NR2F1-AS1: variants seen among roughly 807,000 people sequenced by gnomAD.
NR2F1-AS1 encodes NR2F1 regulatory antisense RNA 1.
intron 4 of NR2F1-AS1, among the ~76,000 whole-genome samples, chr5:93,517,225 T>C (rs916571996): frequency 1.3e-5 from 2 of 151,984 alleles, no homozygotes; most frequent in African/African-American, 4.8e-5. Flanking sequence ...GTCTTTAAAG[T>C]ACTATACAAC....
At chr5:93,551,769 ATATT>A (rs1241304716) in intron 4 of NR2F1-AS1, among the ~76,000 whole-genome samples, 2 of 152,174 alleles carry the variant, frequency 1.3e-5, no homozygotes, top group Admixed American at 6.5e-5. Flanking sequence ...TTGAAATCTA[ATATT>A]TATTTTTTAA....
At chr5:93,464,534 T>C (rs893428363) in intron 4 of NR2F1-AS1, among the ~76,000 whole-genome samples, 1 of 152,202 alleles carries the variant, frequency 6.6e-6, no homozygotes, top group Admixed American at 6.5e-5. Context: ...TTTAAAATCA[T>C]GTGATTAACA....
At chr5:93,490,940 G>A (rs373834940) in intron 4 of NR2F1-AS1, among the ~76,000 whole-genome samples, 15 of 147,200 alleles carry the variant, frequency 1.0e-4, no homozygotes, top group African/African-American at 3.8e-4. Context: ...TGGTGGTGGT[G>A]GGAGTGGTGG....
chr5:93,478,029 C>T (rs1345464158), intron 4 of NR2F1-AS1, among the ~76,000 whole-genome samples: 1 of 152,158 alleles, frequency 6.6e-6, no homozygotes, highest in Admixed American at 6.5e-5. Flanking sequence ...ACAGCATGTA[C>T]TCAGCTTTTT....
At chr5:93,437,400 C>A (rs989692264) in intron 4 of NR2F1-AS1, among the ~76,000 whole-genome samples, 1 of 152,256 alleles carries the variant, frequency 6.6e-6, no homozygotes, top group African/African-American at 2.4e-5. Flanking sequence ...ATTAATTTCA[C>A]TTGCTTCCTT....
chr5:93,465,749 A>G (rs1263547397), intron 4 of NR2F1-AS1, among the ~76,000 whole-genome samples: 1 of 152,234 alleles, frequency 6.6e-6, no homozygotes, highest in Non-Finnish European at 1.5e-5. Context: ...CAGCCATAAA[A>G]AAGGATGAGT....
At chr5:93,519,190 A>G (rs889024393) in intron 4 of NR2F1-AS1, among the ~76,000 whole-genome samples, 5 of 152,076 alleles carry the variant, frequency 3.3e-5, no homozygotes. Context: ...TATAAAAAAA[A>G]TACATAACTT....
chr5:93,572,409 G>A lies in NR2F1-AS1; in HGVS notation n.313+8058C>T, dbSNP rs973027574. Among the ~76,000 whole-genome samples the A allele has an allele frequency of 2.6e-5, 4 of 152,210 alleles. No homozygotes were observed. In the East Asian group the frequency reaches 7.7e-4, roughly 29 times the overall value. On this transcript the variant is annotated intron_variant and non_coding_transcript_variant, in intron 1 of 5. Transcript: ENST00000660523. ...CACGTAGGGGAAGGGCTCATAGAGG[G>A]GCAGAGCCCAGGGAGAAGCGACATG...
At chr5:93,521,629 T>C (rs1751503362) in intron 4 of NR2F1-AS1, among the ~76,000 whole-genome samples, 1 of 152,074 alleles carries the variant, frequency 6.6e-6, no homozygotes, top group South Asian at 2.1e-4. Flanking sequence ...AGATCACTGA[T>C]CATTAGAGAA....
chr5:93,536,294 C>T (rs1254265228), intron 4 of NR2F1-AS1, among the ~76,000 whole-genome samples: 2 of 151,964 alleles, frequency 1.3e-5, no homozygotes, highest in Admixed American at 6.6e-5. Flanking sequence ...TTGAAGAGGA[C>T]ACAAATAAAT....
chr5:93,451,890 T>C (rs1263554047), intron 4 of NR2F1-AS1, among the ~76,000 whole-genome samples: 1 of 152,226 alleles, frequency 6.6e-6, no homozygotes, highest in Non-Finnish European at 1.5e-5. Context: ...TCTGCTTTGC[T>C]TACAGCTGAG....
intron 4 of NR2F1-AS1, among the ~76,000 whole-genome samples, chr5:93,493,653 T>C (rs1389876862): frequency 2.0e-5 from 3 of 152,016 alleles, no homozygotes; most frequent in East Asian, 1.9e-4. Flanking sequence ...AATAGATATA[T>C]AGAACAACAG....
At chr5:93,441,311 A>T (rs1160788219) in intron 4 of NR2F1-AS1, among the ~76,000 whole-genome samples, 1 of 152,212 alleles carries the variant, frequency 6.6e-6, no homozygotes, top group African/African-American at 2.4e-5. Flanking sequence ...CTGGTTCTGA[A>T]TTTTGGAAAG....
chr5:93,459,682 C>T (rs866724138), intron 4 of NR2F1-AS1, among the ~76,000 whole-genome samples: 52 of 152,162 alleles, frequency 3.4e-4, no homozygotes, highest in African/African-American at 1.2e-3. Context: ...CCTAATTGTC[C>T]TTAGATTCGT....
chr5:93,551,589 C>T (rs763547935), intron 4 of NR2F1-AS1, among the ~76,000 whole-genome samples: 1 of 152,034 alleles, frequency 6.6e-6, no homozygotes, highest in African/African-American at 2.4e-5. Flanking sequence ...CACAGAACTA[C>T]ACAGCTTTAA....
intron 4 of NR2F1-AS1, among the ~76,000 whole-genome samples, chr5:93,552,277 C>A (rs906029780): frequency 6.6e-6 from 1 of 152,084 alleles, no homozygotes; most frequent in African/African-American, 2.4e-5. Context: ...GTTCACCAAG[C>A]TCAATCTTGA....
At chr5:93,496,435 C>A (rs889416278) in intron 4 of NR2F1-AS1, among the ~76,000 whole-genome samples, 17 of 152,138 alleles carry the variant, frequency 1.1e-4, no homozygotes, top group African/African-American at 4.1e-4. Context: ...GAAGGACACA[C>A]CCTCTTTTTG....
chr5:93,493,604 A>C (rs1750897566), intron 4 of NR2F1-AS1, among the ~76,000 whole-genome samples: 1 of 152,132 alleles, frequency 6.6e-6, no homozygotes, highest in Admixed American at 6.5e-5. Context: ...AACTTACTAC[A>C]TAGCTAAAAT....
At chr5:93,505,218 T>C (rs1292569173) in intron 4 of NR2F1-AS1, among the ~76,000 whole-genome samples, 1 of 152,194 alleles carries the variant, frequency 6.6e-6, no homozygotes, top group South Asian at 2.1e-4. Flanking sequence ...ATTCAGGTCA[T>C]GCTGATGCAA....
Sources: allele counts gnomAD v4.1 joint callset (sites outside exome capture counted in the v4.1 genomes callset), GRCh38; gene constraint gnomAD v4.1.1; transcripts MANE v1.5; gene names NCBI Gene and HGNC (gene_info 2026-07-23, HGNC 2026-07-21).